TPD52: variants seen among roughly 807,000 people sequenced by gnomAD.
TPD52 encodes the protein prostate and colon associated protein.
TPD52 carries 17 observed loss-of-function variants against 31.3 expected under a neutral mutation model. The observed-to-expected ratio is 0.54, with a 90% CI of 0.37 to 0.82. The LOEUF (loss-of-function observed/expected upper bound fraction) is 0.82. Among genes scored for constraint, TPD52 ranks in the 40% least tolerant of loss-of-function variants. TPD52 has a pLI of 0.00. For synonymous variants in TPD52, 83 were observed against 89.6 expected, an observed-to-expected ratio of 0.93 and a Z score of 0.42; for missense variants, 212 against 240.1, an observed-to-expected ratio of 0.88 and a Z score of 0.77.
chr8:80,099,133 C>T (rs1806545211), intron 1 of TPD52, among the ~76,000 whole-genome samples: 1 of 152,116 alleles, frequency 6.6e-6, no homozygotes, highest in Non-Finnish European at 1.5e-5. Flanking sequence ...CTCTTACATA[C>T]ACTGGGAAAC....
intron 1 of TPD52, among the ~76,000 whole-genome samples, chr8:80,131,604 C>T (rs149046419): frequency 6.6e-6 from 1 of 152,192 alleles, no homozygotes; most frequent in Non-Finnish European, 1.5e-5. Flanking sequence ...CCACTACTAA[C>T]AGTTCACTTC....
At chr8:80,171,220 G>A (rs1280294324) in intron 1 of TPD52, 1 of 715,288 alleles carries the variant, frequency 1.4e-6, no homozygotes, top group East Asian at 2.7e-5. Context: ...CACACATGCA[G>A]TCCCATCTGC....
intron 1 of TPD52, among the ~76,000 whole-genome samples, chr8:80,119,534 G>A (rs138529412): frequency 6.6e-6 from 1 of 151,974 alleles, no homozygotes; most frequent in African/African-American, 2.4e-5. Flanking sequence ...AGTTTTCTGG[G>A]GGAAAAAAAG....
At chr8:80,119,572 G>A (rs61654859) in intron 1 of TPD52, among the ~76,000 whole-genome samples, 25,042 of 152,110 alleles carry the variant, frequency 0.16, 3,328 homozygotes, top group African/African-American at 0.36. Context: ...AGTTTACTTT[G>A]GGAAGGGAAA....
chr8:80,076,631 A>G (rs1444188783), intron 1 of TPD52, among the ~76,000 whole-genome samples: 2 of 152,164 alleles, frequency 1.3e-5, no homozygotes, highest in Non-Finnish European at 2.9e-5. Flanking sequence ...GTTTACCCAT[A>G]TAAGAAGCCT....
At chr8:80,091,863 C>T (rs1053891330) in intron 1 of TPD52, among the ~76,000 whole-genome samples, 1 of 152,214 alleles carries the variant, frequency 6.6e-6, no homozygotes, top group African/African-American at 2.4e-5. Flanking sequence ...ATTTCTGATG[C>T]TGCAAGTCTG....
chr8:80,031,626 G>A (rs1266366658), downstream of TPD52, among the ~76,000 whole-genome samples: 4 of 152,176 alleles, frequency 2.6e-5, no homozygotes, highest in South Asian at 2.1e-4. Context: ...GTGAGGTTGA[G>A]GAGGGAGGAT....
intron 1 of TPD52, among the ~76,000 whole-genome samples, chr8:80,099,718 C>T (rs1806597921): frequency 6.6e-6 from 1 of 152,094 alleles, no homozygotes; most frequent in South Asian, 2.1e-4. Context: ...ACCATGTTGG[C>T]CAGGCTGGTC....
chr8:80,161,732 ATT>A lies in TPD52; in HGVS notation c.19+9691_19+9692del, dbSNP rs869141433. On this transcript the variant is annotated intron_variant, in intron 1 of 7. Transcript: ENST00000518937. ...CACATTTATATATATATATATATAT[ATT>A]TTTTTTTTTTTCTGAGACAGAGTCT... Among the ~76,000 whole-genome samples, 348 of 72,504 alleles carry A rather than the reference ATT, an allele frequency of 4.8e-3. 2 individuals are homozygous for A. The highest frequency in any genetic ancestry group is 0.013 in the African/African-American group (332 of 24,890). 47.6% of individuals were successfully genotyped at this position (72,504 alleles called of 152,430 possible).
In TPD52 at chr8:80,038,243, A is replaced by G. The variant is rs575039196; in HGVS notation, c.505-8T>C. On this transcript the variant is annotated splice_region_variant and splice_polypyrimidine_tract_variant and intron_variant, in intron 7 of 7. Transcript: ENST00000518937. ...GGTTCCCCCTACTTTAGACTTAAAAAAAAGTTCAAAAAAGGGAAAGACATT... is the reference window on the plus strand; with the variant it reads ...GGTTCCCCCTACTTTAGACTTAAAAGAAAGTTCAAAAAAGGGAAAGACATT... 4.6e-4 allele frequency: 738 copies of G among 1,612,774 alleles called. 8 individuals carry two copies. In the South Asian group the frequency reaches 7.3e-3, roughly 16 times the overall value.
At chr8:80,044,138 C>A (rs760099573) in intron 6 of TPD52, 29 bp downstream of exon 6, 1 of 1,563,106 alleles carries the variant, frequency 6.4e-7, no homozygotes, top group East Asian at 2.3e-5. Context: ...AGCATAAGAC[C>A]AACTACATTT....
intron 2 of TPD52, 22 bp downstream of exon 2, chr8:80,064,456 T>G (rs1242626278): frequency 1.3e-6 from 2 of 1,580,672 alleles, no homozygotes; most frequent in East Asian, 4.5e-5. Flanking sequence ...AAAATAAAGT[T>G]GCAAAAGGAA....
chr8:80,049,557 C>T (rs1035332233), intron 5 of TPD52, among the ~76,000 whole-genome samples: 1 of 152,148 alleles, frequency 6.6e-6, no homozygotes, highest in Non-Finnish European at 1.5e-5. Context: ...AGGCAAGCAG[C>T]TAGACTACCA....
chr8:80,093,998 A>G (rs1279703378), intron 1 of TPD52, among the ~76,000 whole-genome samples: 3 of 152,192 alleles, frequency 2.0e-5, no homozygotes, highest in African/African-American at 4.8e-5. Context: ...TTTTTTTAAC[A>G]TCTGACCATA....
At chr8:80,043,202 A>G (rs1186333197) in intron 6 of TPD52, among the ~76,000 whole-genome samples, 3 of 152,206 alleles carry the variant, frequency 2.0e-5, no homozygotes, top group Non-Finnish European at 4.4e-5. Flanking sequence ...GGAGAAGCAT[A>G]GAAACGGCTT....
At chr8:80,096,295 C>A (rs1586290214) in intron 1 of TPD52, among the ~76,000 whole-genome samples, 1 of 144,640 alleles carries the variant, frequency 6.9e-6, no homozygotes, top group African/African-American at 2.7e-5. Context: ...CACACAAACA[C>A]ACACACACAC....
At chr8:80,045,932 A>G (rs139899581) in intron 5 of TPD52, among the ~76,000 whole-genome samples, 358 of 152,324 alleles carry the variant, frequency 2.4e-3, no homozygotes, top group African/African-American at 8.3e-3. Flanking sequence ...AATATGTGAT[A>G]AATTCCTTGT....
intron 1 of TPD52, among the ~76,000 whole-genome samples, chr8:80,147,391 C>A (rs1203871292): frequency 6.6e-6 from 1 of 152,002 alleles, no homozygotes; most frequent in African/African-American, 2.4e-5. Context: ...GCACAAAAAA[C>A]CACGTCCAAT....
chr8:80,055,617 A>G (rs1173681803), intron 2 of TPD52, among the ~76,000 whole-genome samples: 3 of 152,238 alleles, frequency 2.0e-5, no homozygotes, highest in Non-Finnish European at 2.9e-5. Flanking sequence ...GTAGAATGGG[A>G]GAGAACATTT....
Sources: gnomAD v4.1 joint callset for allele counts (sites outside exome capture counted in the v4.1 genomes callset) on GRCh38, gnomAD v4.1.1 for gene constraint, MANE v1.5 for transcripts, NCBI Gene and HGNC (gene_info 2026-07-23, HGNC 2026-07-21) for gene names.